Variants in PPA2 observed in about 807,000 individuals in gnomAD.
PPA2 encodes the protein inorganic pyrophosphatase 2.
Under a neutral mutation model 49.5 loss-of-function variants are expected in PPA2, and 48 were observed. That is an observed-to-expected ratio of 0.97 (90% CI 0.77 to 1.23). The LOEUF (loss-of-function observed/expected upper bound fraction) is 1.23, where lower values mean the gene tolerates loss of function less well. PPA2 is among the 50% of genes most tolerant of loss of function. The probability of loss-of-function intolerance (pLI) is 0.00; values close to 1 mark genes in which losing one functional copy is unlikely to be tolerated. For synonymous variants in PPA2, 131 were observed against 139.9 expected (o/e 0.94, Z 0.45); for missense variants, 429 against 410.1 (o/e 1.05, Z -0.40).
At chr4:105,443,554 TGATA>T (rs916929878) in intron 5 of PPA2, among the ~76,000 whole-genome samples, 8 of 151,434 alleles carry the variant, frequency 5.3e-5, no homozygotes, top group African/African-American at 1.9e-4. Flanking sequence ...TTATTTTCTT[TGATA>T]AATAACTAAC....
chr4:105,405,357 T>C (rs1182884119), intron 7 of PPA2: 3 of 761,780 alleles, frequency 3.9e-6, no homozygotes, highest in African/African-American at 1.9e-5. Context: ...GTAAAGACCC[T>C]AAATGAATTT....
chr4:105,429,656 G>A (rs1723706968), intron 6 of PPA2, among the ~76,000 whole-genome samples: 1 of 152,020 alleles, frequency 6.6e-6, no homozygotes, highest in Non-Finnish European at 1.5e-5. Context: ...TGAAATTTAA[G>A]GTATCTACTA....
At chr4:105,445,103 C>A (rs1395696609) in intron 5 of PPA2, among the ~76,000 whole-genome samples, 1 of 152,180 alleles carries the variant, frequency 6.6e-6, no homozygotes, top group African/African-American at 2.4e-5. Context: ...ATATACCCAA[C>A]ACCTAATATC....
At chr4:105,466,548 A>G (rs1723308755) in intron 1 of PPA2, among the ~76,000 whole-genome samples, 1 of 152,230 alleles carries the variant, frequency 6.6e-6, no homozygotes, top group Admixed American at 6.5e-5. Flanking sequence ...CTCAGAAGAA[A>G]GAATTCAACT....
At chr4:105,419,310 C>T (rs1289822902) in intron 7 of PPA2, among the ~76,000 whole-genome samples, 1 of 152,106 alleles carries the variant, frequency 6.6e-6, no homozygotes, top group Non-Finnish European at 1.5e-5. Flanking sequence ...CTCCCCGCTC[C>T]CCCCACCCCA....
chr4:105,407,371 A>C (rs1722530394), intron 7 of PPA2, among the ~76,000 whole-genome samples: 1 of 152,232 alleles, frequency 6.6e-6, no homozygotes, highest in African/African-American at 2.4e-5. Context: ...TTCTGACAGC[A>C]ACTGGATACC....
At chr4:105,431,456 G>T (rs1723794726) in intron 6 of PPA2, among the ~76,000 whole-genome samples, 1 of 152,134 alleles carries the variant, frequency 6.6e-6, no homozygotes, top group South Asian at 2.1e-4. Flanking sequence ...AATGAGTATT[G>T]GTGAGGATCT....
chr4:105,424,474 T>G, intron 6 of PPA2, 152 bp from the exon 7 acceptor site: 1 of 699,342 alleles, frequency 1.4e-6, no homozygotes, highest in Non-Finnish European at 2.1e-6. Context: ...AAAGTCTGCC[T>G]TGCAATGTCC....
intron 3 of PPA2, among the ~76,000 whole-genome samples, chr4:105,452,757 G>C (rs111910756): frequency 0.02 from 3,094 of 152,184 alleles, 47 homozygotes; most frequent in Middle Eastern, 0.061. Context: ...GAATCAGAGG[G>C]ATAAAAGGAC....
chr4:105,402,329 T>C (rs1244823140), intron 7 of PPA2, among the ~76,000 whole-genome samples: 2 of 152,018 alleles, frequency 1.3e-5, no homozygotes, highest in African/African-American at 4.8e-5. Context: ...AAATCTACAG[T>C]TATGCATATA....
At chr4:105,437,866 T>G in intron 6 of PPA2, 84 bp downstream of exon 6, 2 of 1,005,340 alleles carry the variant, frequency 2.0e-6, no homozygotes, top group Non-Finnish European at 2.9e-6. Context: ...TCTGAAGAGT[T>G]GAAGAACTAG....
chr4:105,389,570 C>A (rs1196419662), intron 9 of PPA2, among the ~76,000 whole-genome samples: 1 of 151,198 alleles, frequency 6.6e-6, no homozygotes, highest in South Asian at 2.1e-4. Flanking sequence ...CCAAAACAAG[C>A]AGATGACATT....
intron 6 of PPA2, among the ~76,000 whole-genome samples, chr4:105,432,206 G>GA (rs879282263): frequency 6.6e-6 from 1 of 152,124 alleles, no homozygotes; most frequent in African/African-American, 2.4e-5. Flanking sequence ...CCTCTCTCCT[G>GA]AAACTATGTT....
intron 1 of PPA2, among the ~76,000 whole-genome samples, chr4:105,467,000 T>C (rs112666790): frequency 0.048 from 7,365 of 152,292 alleles, 566 homozygotes; most frequent in African/African-American, 0.16. Context: ...GGGAAGCTGC[T>C]GATCACCAGC....
chr4:105,408,621 A>G (rs936180662), intron 7 of PPA2, among the ~76,000 whole-genome samples: 3 of 152,226 alleles, frequency 2.0e-5, no homozygotes, highest in Non-Finnish European at 4.4e-5. Context: ...CTTAATAAGA[A>G]AGATCACTGA....
intron 9 of PPA2, among the ~76,000 whole-genome samples, chr4:105,393,651 A>T (rs2713857): frequency 0.27 from 40,228 of 151,510 alleles, 6,180 homozygotes; most frequent in Non-Finnish European, 0.34. Flanking sequence ...AGAAGGGGAC[A>T]ATGTATCTGA....
intron 6 of PPA2, among the ~76,000 whole-genome samples, chr4:105,431,585 G>A (rs532491278): frequency 1.4e-4 from 21 of 152,134 alleles, no homozygotes; most frequent in African/African-American, 4.8e-4. Context: ...TCCATTCCTA[G>A]GTGAAAAAAA....
rs898602289 is a variant in PPA2, at chr4:105,410,440, A to G, written c.656-11276T>C. Among the ~76,000 whole-genome samples the G allele has an allele frequency of 5.3e-5, 8 of 152,348 alleles. 1 individual carries two copies. The South Asian group carries it at 1.2e-3, about 24-fold the overall frequency. On this transcript the variant is annotated intron_variant, in intron 7 of 11. Coordinates refer to ENST00000341695, the MANE Select transcript of PPA2 (RefSeq NM_176869.3). ...GAAAAGACCAAATCTACGTTTGATTAGTGTACCTGAAAGTGACGAGGAGAA... is the reference window on the plus strand; with the variant it reads ...GAAAAGACCAAATCTACGTTTGATTGGTGTACCTGAAAGTGACGAGGAGAA...
chr4:105,370,202 C>T (rs1260093078), intron 11 of PPA2, among the ~76,000 whole-genome samples: 1 of 152,168 alleles, frequency 6.6e-6, no homozygotes, highest in African/African-American at 2.4e-5. Flanking sequence ...TATGGATTTA[C>T]TCCTTTCTAA....
Sources: allele counts gnomAD v4.1 joint callset (sites outside exome capture counted in the v4.1 genomes callset), GRCh38; gene constraint gnomAD v4.1.1; transcripts MANE v1.5; gene names NCBI Gene and HGNC (gene_info 2026-07-23, HGNC 2026-07-21).